The following GABARAP variants were observed in gnomAD, a reference collection of about 807,000 sequenced individuals.
The protein encoded by GABARAP is GABA type A receptor-associated protein.
In GABARAP, 5 loss-of-function variants were observed where a neutral mutation model predicts 16.7. The observed-to-expected ratio is 0.30, with a 90% CI of 0.16 to 0.63. The LOEUF is 0.63. GABARAP is among the 20% of genes least tolerant of loss of function. GABARAP has a pLI of 0.82. For missense variants in GABARAP, 84 were observed against 146.6 expected, an observed-to-expected ratio of 0.57 and a Z score of 2.21; for synonymous variants, 45 against 52.7, an observed-to-expected ratio of 0.85 and a Z score of 0.64.
In GABARAP at chr17:7,240,783, G is replaced by C. The variant is rs917453176; in HGVS notation, c.*71C>G. 1 of 957,662 alleles carries C rather than the reference G, an allele frequency of 1.0e-6. No homozygotes were observed. Among genetic ancestry groups the C allele is most frequent in the South Asian group, 1.3e-5 (1 of 76,788 alleles). The allele number at this position is 957,662 out of a possible 1,614,324, so 59.3% of individuals were successfully genotyped here. ...GGTGGTGTTTGAGCTTGAAGGAGGAGGAGGTCAAGAAAGGGGGGCCACCTC... is the reference window on the plus strand; with the variant it reads ...GGTGGTGTTTGAGCTTGAAGGAGGACGAGGTCAAGAAAGGGGGGCCACCTC... On this transcript the variant is annotated 3_prime_UTR_variant, in exon 4 of 4. Transcript: ENST00000302386.
At chr17:7,242,076 T>TAC in intron 1 of GABARAP, 165 bp downstream of exon 1, 1 of 620,624 alleles carries the variant, frequency 1.6e-6, no homozygotes, top group Non-Finnish European at 2.9e-6. Context: ...CATCCACCAC[T>TAC]ACCCCACTCC....
Position 7,242,414 on chromosome 17 carries a change from C to G in GABARAP, c.-84G>C. On this transcript the variant is annotated 5_prime_UTR_variant, in exon 1 of 4. Coordinates refer to ENST00000302386, the MANE Select transcript of GABARAP (RefSeq NM_007278.2). ...GGGGGCGGCGACGACGGCGGCGACG[C>G]GCGGGCGGATTCAGCGGAGCGATCC... 3 of 1,002,596 alleles carry G rather than the reference C, an allele frequency of 3.0e-6. No homozygotes were observed. In the South Asian group the frequency reaches 3.9e-5, roughly 13 times the overall value. The allele number at this position is 1,002,596 out of a possible 1,614,324, so 62.1% of individuals were successfully genotyped here.
chr17:7,241,978 G>A (rs1177736190), intron 1 of GABARAP: 2 of 595,476 alleles, frequency 3.4e-6, no homozygotes, highest in East Asian at 2.8e-5. Flanking sequence ...TAGCTGGGGG[G>A]ATGACCATTT....
Position 7,241,617 on chromosome 17 carries a change from C to T in GABARAP, c.153G>A (p.Val51=). 6.2e-7 allele frequency: 1 copy of T among 1,610,496 alleles called. No individual in the cohort carries two copies. The part of the protein sequence containing the change: ...IGDLDKKKYL[V]PSDLTVGQFY... Reference sequence around the variant, plus strand: ...GGTTCCCACCTGTGAGATCAGAAGGCACCAGGTATTTCTTTTTGTCCAGGT... The same window carrying T: ...GGTTCCCACCTGTGAGATCAGAAGGTACCAGGTATTTCTTTTTGTCCAGGT... Residue 51 remains valine (V), a synonymous_variant, in exon 2 of 4, where the codon GTG becomes GTA. Coordinates refer to ENST00000302386, the MANE Select transcript of GABARAP (RefSeq NM_007278.2).
Position 7,242,376 on chromosome 17 carries a change from G to A in GABARAP, c.-46C>T, listed in dbSNP as rs769635049. ...ACAGGGCTGGGCTGAGGGAACCCAG[G>A]GGGGCCGGGACGGGGGGCGGCGACG... is the stretch of plus-strand genomic sequence containing the variant. On this transcript the variant is annotated 5_prime_UTR_variant, in exon 1 of 4. Transcript: ENST00000302386. 6 of 1,458,568 alleles carry A rather than the reference G, an allele frequency of 4.1e-6. No homozygotes were observed. The highest frequency in any genetic ancestry group is 1.4e-5 in the African/African-American group (1 of 71,672). 90.4% of individuals were successfully genotyped at this position (1,458,568 alleles called of 1,614,324 possible). A position where few individuals can be genotyped will look rare whatever the true frequency, so the allele number is the denominator to read the frequency against.
chr17:7,241,468 A>G lies in GABARAP; in HGVS notation c.170-8T>C. On this transcript the variant is annotated splice_polypyrimidine_tract_variant and splice_region_variant and intron_variant, in intron 2 of 3. Coordinates refer to ENST00000302386, the MANE Select transcript of GABARAP (RefSeq NM_007278.2). ...AGAAGTAGAACTGACCAACTGCAAA[A>G]GATACAAGATGCAAGAAAGTCACAG... The G allele has an allele frequency of 6.9e-7, 1 of 1,454,670 alleles. No individual in the cohort carries two copies. The allele number at this position is 1,454,670 out of a possible 1,614,324, so 90.1% of individuals were successfully genotyped here.
chr17:7,241,999 C>A, intron 1 of GABARAP: 1 of 597,032 alleles, frequency 1.7e-6, no homozygotes, highest in South Asian at 2.0e-5. Context: ...GAAGCTCAGG[C>A]TGTCAAACTC....
intron 1 of GABARAP, 28 bp from the exon 2 acceptor site, chr17:7,241,707 A>T: frequency 7.2e-7 from 1 of 1,381,870 alleles, no homozygotes. Flanking sequence ...ATTAGGAGAC[A>T]GAAGGAATGC....
intron 1 of GABARAP, 42 bp downstream of exon 1, chr17:7,242,199 G>A: frequency 7.0e-7 from 1 of 1,420,714 alleles, no homozygotes; most frequent in Non-Finnish European, 9.9e-7. Context: ...TGTGGCGTCA[G>A]CGTAAGCGTC....
Position 7,241,417 on chromosome 17 carries a change from T to A in GABARAP, c.213A>T (p.Arg71=). The A allele has an allele frequency of 6.2e-7, 1 of 1,604,296 alleles. No individual in the cohort carries two copies. Residue 71 remains arginine (R), a synonymous_variant, in exon 3 of 4, where the codon CGA becomes CGT. Coordinates refer to ENST00000302386, the MANE Select transcript of GABARAP (RefSeq NM_007278.2). ...YFLIRKRIHL[R]AEDALFFFVN... ...CAAAGAAAAACAAGGCATCCTCAGC[T>A]CGGAGATGAATTCGCTTCCGGATCA... is the stretch of plus-strand genomic sequence containing the variant.
rs778039747 is a variant in GABARAP at position 7,242,238 on chromosome 17, C to T, written c.90+3G>A. The T allele has an allele frequency of 6.2e-7, 1 of 1,610,744 alleles. No individual in the cohort carries two copies. Among genetic ancestry groups the T allele is most frequent in the South Asian group, 1.1e-5 (1 of 91,024 alleles). On this transcript the variant is annotated splice_donor_region_variant and intron_variant, in intron 1 of 3. Coordinates refer to ENST00000302386, the MANE Select transcript of GABARAP (RefSeq NM_007278.2). ...CGCCCTCGGCCCTGGCTACTGTCCTCACCGGCACCCGGTCCGGGTATTTCT... is the reference window on the plus strand; with the variant it reads ...CGCCCTCGGCCCTGGCTACTGTCCTTACCGGCACCCGGTCCGGGTATTTCT...
At chr17:7,241,768 C>G in intron 1 of GABARAP, 89 bp from the exon 2 acceptor site, 1 of 830,290 alleles carries the variant, frequency 1.2e-6, no homozygotes, top group Non-Finnish European at 2.1e-6. Context: ...TTCCTAGCAC[C>G]TAAATCTACC....
intron 1 of GABARAP, chr17:7,242,032 T>C: frequency 1.7e-6 from 1 of 599,728 alleles, no homozygotes; most frequent in South Asian, 2.0e-5. Flanking sequence ...AATGCTAAGG[T>C]TTCTCTCTCC....
chr17:7,241,453 C>T lies in GABARAP; in HGVS notation c.177G>A (p.Gln59=). The change falls in exon 3 of 4, where the codon CAG becomes CAA. Residue 59 remains glutamine, a synonymous_variant. Coordinates refer to ENST00000302386, the MANE Select transcript of GABARAP (RefSeq NM_007278.2). ...TTCGCTTCCGGATCAAGAAGTAGAACTGACCAACTGCAAAAGATACAAGAT... is the reference window on the plus strand; with the variant it reads ...TTCGCTTCCGGATCAAGAAGTAGAATTGACCAACTGCAAAAGATACAAGAT... The part of the protein sequence containing the change: ...YLVPSDLTVG[Q]FYFLIRKRIH... The T allele has an allele frequency of 6.5e-7, 1 of 1,529,326 alleles. No homozygotes were observed. The highest frequency in any genetic ancestry group is 9.1e-7 in the Non-Finnish European group (1 of 1,102,496). 94.7% of individuals were successfully genotyped at this position (1,529,326 alleles called of 1,614,324 possible).
chr17:7,240,986 C>T, intron 3 of GABARAP, 67 bp from the exon 4 acceptor site: 1 of 1,015,484 alleles, frequency 9.8e-7, no homozygotes, highest in Admixed American at 1.7e-5. Context: ...ACGACCCAGA[C>T]ACGTTCTTCT....
In GABARAP at chr17:7,240,717, A is replaced by G. The variant is rs1228824992; in HGVS notation, c.*137T>C. ...ACCCCTCCTAAGAGAGGCTGGAGAG[A>G]AAGCCACAAACATTAAGAAGTGCCG... is the stretch of plus-strand genomic sequence containing the variant. On this transcript the variant is annotated 3_prime_UTR_variant, in exon 4 of 4. Coordinates refer to ENST00000302386, the MANE Select transcript of GABARAP (RefSeq NM_007278.2). 2 of 662,002 alleles carry G rather than the reference A, an allele frequency of 3.0e-6. No individual in the cohort carries two copies. The highest frequency in any genetic ancestry group is 3.6e-5 in the African/African-American group (2 of 55,530). The allele number at this position is 662,002 out of a possible 1,614,324, so 41.0% of individuals were successfully genotyped here.
chr17:7,241,068 G>T, intron 3 of GABARAP, 149 bp from the exon 4 acceptor site: 1 of 699,016 alleles, frequency 1.4e-6, no homozygotes, highest in South Asian at 1.7e-5. Context: ...AATCTCTGCA[G>T]TCCTGGGCAA....
chr17:7,242,226 G>C lies in GABARAP; in HGVS notation c.90+15C>G, dbSNP rs767721122. 4.4e-6 allele frequency: 7 copies of C among 1,600,100 alleles called. No individual in the cohort carries two copies. Among genetic ancestry groups the C allele is most frequent in the Non-Finnish European group, 5.1e-6 (6 of 1,167,764 alleles). ...GTAAGCGTCCCGCGCCCTCGGCCCT[G>C]GCTACTGTCCTCACCGGCACCCGGT... On this transcript the variant is annotated intron_variant, in intron 1 of 3. Coordinates refer to ENST00000302386, the MANE Select transcript of GABARAP (RefSeq NM_007278.2).
Position 7,242,363 on chromosome 17 carries a change from T to C in GABARAP, c.-33A>G, listed in dbSNP as rs761747507. The C allele has an allele frequency of 1.3e-6, 2 of 1,554,040 alleles. No individual in the cohort carries two copies. The highest frequency in any genetic ancestry group is 1.8e-6 in the Non-Finnish European group (2 of 1,127,676). On this transcript the variant is annotated 5_prime_UTR_variant, in exon 1 of 4. Transcript: ENST00000302386. ...GGAACCGGGCTGGACAGGGCTGGGC[T>C]GAGGGAACCCAGGGGGGCCGGGACG...
Sources: gnomAD v4.1 joint callset for allele counts on GRCh38, gnomAD v4.1.1 for gene constraint, MANE v1.5 for transcripts, NCBI Gene and HGNC (gene_info 2026-07-23, HGNC 2026-07-21) for gene names.